The following TP53INP1 variants were observed in gnomAD, a reference collection of about 807,000 sequenced individuals.
TP53INP1 encodes the protein tumor protein p53 inducible nuclear protein 1.
Under a neutral mutation model 21.0 loss-of-function variants are expected in TP53INP1, and 12 were observed. The observed-to-expected ratio is 0.57, with a 90% CI of 0.37 to 0.93. The LOEUF (loss-of-function observed/expected upper bound fraction) is 0.93. Ranked by LOEUF, TP53INP1 falls within the 40% of genes least tolerant of loss-of-function variation. TP53INP1 has a pLI of 0.01. For missense variants in TP53INP1, 274 were observed against 294.7 expected (o/e 0.93, Z 0.51); for synonymous variants, 91 against 94.8 (o/e 0.96, Z 0.23).
chr8:94,946,719 A>AAAAAAAAAAAAAAAAAAAAAAC (rs1563736851), intron 1 of TP53INP1, among the ~76,000 whole-genome samples: 1 of 149,268 alleles, frequency 6.7e-6, no homozygotes, highest in African/African-American at 2.5e-5. Context: ...AAAAAAAAAA[A>AAAAAAAAAAAAAAAAAAAAAAC]AGACAGGCCC....
rs76759623 is a variant in TP53INP1, at chr8:94,933,250, C to T, written c.474-2522G>A. Among the ~76,000 whole-genome samples the T allele has an allele frequency of 5.0e-3, 765 of 152,152 alleles. 3 individuals are homozygous for T. Among genetic ancestry groups the T allele is most frequent in the African/African-American group, 0.017 (689 of 41,510 alleles). On this transcript the variant is annotated intron_variant, in intron 3 of 3. Transcript: ENST00000342697. ...ATAAAATTCAGTGCCTTCCTTTGAC[C>T]CTTTATATATGGAAAAGTATGTATT... is the stretch of plus-strand genomic sequence containing the variant.
At chr8:94,933,022 G>A (rs1182732924) in intron 3 of TP53INP1, among the ~76,000 whole-genome samples, 1 of 152,154 alleles carries the variant, frequency 6.6e-6, no homozygotes, top group Non-Finnish European at 1.5e-5. Context: ...TTTGAGACCA[G>A]CCTGGCCAAT....
chr8:94,930,566 T>C lies in TP53INP1; in HGVS notation c.636A>G (p.Gln212=). 7 of 1,614,220 alleles carry C rather than the reference T, an allele frequency of 4.3e-6. No homozygotes were observed. Among genetic ancestry groups the C allele is most frequent in the African/African-American group, 2.7e-5 (2 of 75,060 alleles). The change falls in exon 4 of 4, where the codon CAA becomes CAG. Residue 212 remains glutamine, a synonymous_variant. Transcript: ENST00000342697. The stretch of plus-strand genomic sequence containing the variant: ...GAGGGTGGCAATCCCTGGTAAGATT[T>C]TGGCGACGAAGGCTATTTCTGTTAA... The part of the protein sequence containing the change: ...QPLNRNSLRR[Q]NLTRDCHPRQ...
chr8:94,947,907 T>C (rs996515864), intron 1 of TP53INP1, among the ~76,000 whole-genome samples: 9 of 152,272 alleles, frequency 5.9e-5, no homozygotes, highest in Non-Finnish European at 1.0e-4. Flanking sequence ...GATTGCGACT[T>C]AAAAGCTTCC....
Position 94,930,442 on chromosome 8 carries a change from C to G in TP53INP1, c.*37G>C, listed in dbSNP as rs376470637. On this transcript the variant is annotated 3_prime_UTR_variant, in exon 4 of 4. Coordinates refer to ENST00000342697, the MANE Select transcript of TP53INP1 (RefSeq NM_033285.4). Reference sequence around the variant, plus strand: ...ATACACACATCCATACATGTAAGCACAAACCAAGAGAAACCAACCAACAAA... The same window carrying G: ...ATACACACATCCATACATGTAAGCAGAAACCAAGAGAAACCAACCAACAAA... The G allele has an allele frequency of 6.2e-7, 1 of 1,611,476 alleles. No homozygotes were observed. The highest frequency in any genetic ancestry group is 1.7e-5 in the Admixed American group (1 of 59,900).
At chr8:94,936,730 A>G (rs2131346724) in intron 3 of TP53INP1, among the ~76,000 whole-genome samples, 2 of 152,244 alleles carry the variant, frequency 1.3e-5, no homozygotes, top group South Asian at 4.1e-4. Flanking sequence ...TGGCCATCAG[A>G]AGAACTCCCT....
intron 1 of TP53INP1, among the ~76,000 whole-genome samples, chr8:94,941,874 AT>A (rs1033388909): frequency 1.4e-4 from 22 of 152,162 alleles, no homozygotes; most frequent in African/African-American, 5.3e-4. Flanking sequence ...ATATTTATCC[AT>A]TTCTACCTGG....
chr8:94,930,955 GCTCA>G (rs1440109476), intron 3 of TP53INP1, among the ~76,000 whole-genome samples: 2 of 152,150 alleles, frequency 1.3e-5, no homozygotes, highest in Non-Finnish European at 2.9e-5. Context: ...GCCCCAGATG[GCTCA>G]CTAAGTAGAC....
chr8:94,930,518 C>G lies in TP53INP1; in HGVS notation c.684G>C (p.Trp228Cys). Residue 228 changes from tryptophan to cysteine, a missense_variant, in exon 4 of 4, where the codon TGG (tryptophan) becomes TGC (cysteine). Transcript: ENST00000342697. ...CHPRQVKHNG[W>C]VVHQPCPRQY... ...GACGCGGGCAGGGCTGATGAACAACCCAGCCATTGTGCTTGACTTGCCGAG... is the reference window on the plus strand; with the variant it reads ...GACGCGGGCAGGGCTGATGAACAACGCAGCCATTGTGCTTGACTTGCCGAG... 6.2e-7 allele frequency: 1 copy of G among 1,614,198 alleles called. No homozygotes were observed. Among genetic ancestry groups the G allele is most frequent in the Non-Finnish European group, 8.5e-7 (1 of 1,180,040 alleles).
rs1819862953 is a variant in TP53INP1 at position 94,926,059 on chromosome 8, C to G, written c.*4420G>C. On this transcript the variant is annotated 3_prime_UTR_variant, in exon 4 of 4. Coordinates refer to ENST00000342697, the MANE Select transcript of TP53INP1 (RefSeq NM_033285.4). Reference sequence around the variant, plus strand: ...TGCACCACAACCCAATTACAAAGAACAGGTGTTAACACACAATGTTTAAAC... The same window carrying G: ...TGCACCACAACCCAATTACAAAGAAGAGGTGTTAACACACAATGTTTAAAC... The G allele has an allele frequency of 6.6e-6, 1 of 152,594 alleles. No individual in the cohort carries two copies. The highest frequency in any genetic ancestry group is 1.5e-5 in the Non-Finnish European group (1 of 68,038). The allele number at this position is 152,594 out of a possible 1,614,324, so 9.5% of individuals were successfully genotyped here.
In TP53INP1 at chr8:94,926,648, CTA is replaced by C. The variant is rs994055740; in HGVS notation, c.*3829_*3830del. On this transcript the variant is annotated 3_prime_UTR_variant, in exon 4 of 4. Coordinates refer to ENST00000342697, the MANE Select transcript of TP53INP1 (RefSeq NM_033285.4). The stretch of plus-strand genomic sequence containing the variant: ...TTTAAAAGTGTCGTAAAATTCTCAA[CTA>C]TATACAAAACATTGTCCACTTAAGC... 1 of 152,184 alleles carries C rather than the reference CTA, an allele frequency of 6.6e-6. No individual in the cohort carries two copies. The highest frequency in any genetic ancestry group is 2.4e-5 in the African/African-American group (1 of 41,432). 9.4% of individuals were successfully genotyped at this position (152,184 alleles called of 1,614,324 possible).
At chr8:94,937,781 G>A (rs1487115215) in intron 3 of TP53INP1, among the ~76,000 whole-genome samples, 1 of 152,074 alleles carries the variant, frequency 6.6e-6, no homozygotes, top group Non-Finnish European at 1.5e-5. Flanking sequence ...TCTTATGGGG[G>A]TTACCTAGAC....
chr8:94,930,485 A>G lies in TP53INP1; in HGVS notation c.717T>C (p.Asn239=). 1.9e-6 allele frequency: 3 copies of G among 1,614,184 alleles called. No individual in the cohort carries two copies. Among genetic ancestry groups the G allele is most frequent in the Non-Finnish European group, 2.5e-6 (3 of 1,180,010 alleles). The change falls in exon 4 of 4, where the codon AAT becomes AAC. Residue 239 remains asparagine, a synonymous_variant. Coordinates refer to ENST00000342697, the MANE Select transcript of TP53INP1 (RefSeq NM_033285.4). ...VVHQPCPRQY[N]Y Reference sequence around the variant, plus strand: ...CCAACAAAACTTGAAACTATTAGTAATTGTACTGACGCGGGCAGGGCTGAT... The same window carrying G: ...CCAACAAAACTTGAAACTATTAGTAGTTGTACTGACGCGGGCAGGGCTGAT...
chr8:94,945,904 G>A (rs1821944395), intron 1 of TP53INP1, among the ~76,000 whole-genome samples: 1 of 152,102 alleles, frequency 6.6e-6, no homozygotes, highest in Non-Finnish European at 1.5e-5. Flanking sequence ...AAAGTGTCTG[G>A]GCCCTAGCAT....
At chr8:94,933,832 T>TGGGG (rs753070672) in intron 3 of TP53INP1, among the ~76,000 whole-genome samples, 1 of 23,486 alleles carries the variant, frequency 4.3e-5, no homozygotes, top group African/African-American at 8.4e-5. Flanking sequence ...CCCAGCACTT[T>TGGGG]GTGGGGGGGG....
intron 3 of TP53INP1, among the ~76,000 whole-genome samples, chr8:94,932,539 C>T (rs906449911): frequency 2.6e-5 from 4 of 152,254 alleles, no homozygotes; most frequent in African/African-American, 9.6e-5. Context: ...CACGGTGGCT[C>T]ACGCCTGTAA....
In TP53INP1 at chr8:94,930,383, T is replaced by C. The variant is rs957968524; in HGVS notation, c.*96A>G. The C allele has an allele frequency of 1.1e-5, 16 of 1,501,606 alleles. No homozygotes were observed. Among genetic ancestry groups the C allele is most frequent in the South Asian group, 3.9e-5 (3 of 77,572 alleles). The allele number at this position is 1,501,606 out of a possible 1,614,324, so 93.0% of individuals were successfully genotyped here. A position where few individuals can be genotyped will look rare whatever the true frequency, so the allele number is the denominator to read the frequency against. The stretch of plus-strand genomic sequence containing the variant: ...ATAAAACTATGTGATTGGTTATCAA[T>C]TGGTTGTAAAGAGACAACATTTTCA... On this transcript the variant is annotated 3_prime_UTR_variant, in exon 4 of 4. Coordinates refer to ENST00000342697, the MANE Select transcript of TP53INP1 (RefSeq NM_033285.4).
At position 94,928,081 on chromosome 8, in the gene TP53INP1, A is replaced by T. The variant is rs970000187; in HGVS notation, c.*2398T>A. 1.3e-5 allele frequency: 2 copies of T among 152,206 alleles called. No individual in the cohort carries two copies. The highest frequency in any genetic ancestry group is 4.1e-4 in the South Asian group (2 of 4,832). The allele number at this position is 152,206 out of a possible 1,614,324, so 9.4% of individuals were successfully genotyped here. A position where few individuals can be genotyped will look rare whatever the true frequency, so the allele number is the denominator to read the frequency against. The stretch of plus-strand genomic sequence containing the variant: ...TATAACCATTTTCTTCAATACTTAC[A>T]TGTGCCAATTTTAGGCAGAAACCAC... On this transcript the variant is annotated 3_prime_UTR_variant, in exon 4 of 4. Transcript: ENST00000342697.
At chr8:94,931,301 T>C (rs1820367849) in intron 3 of TP53INP1, among the ~76,000 whole-genome samples, 1 of 152,198 alleles carries the variant, frequency 6.6e-6, no homozygotes, top group African/African-American at 2.4e-5. Context: ...GATAAAAAGC[T>C]ATAGCTTAAT....
Sources: gnomAD v4.1 joint callset for allele counts (sites outside exome capture counted in the v4.1 genomes callset) on GRCh38, gnomAD v4.1.1 for gene constraint, MANE v1.5 for transcripts, NCBI Gene and HGNC (gene_info 2026-07-23, HGNC 2026-07-21) for gene names.